MEF2C: variants seen among roughly 807,000 people sequenced by gnomAD.
The protein encoded by MEF2C is myocyte-specific enhancer factor 2C.
MEF2C carries 6 observed loss-of-function variants against 50.5 expected under a neutral mutation model. That is an observed-to-expected ratio of 0.12 (90% CI 0.07 to 0.23). The LOEUF is 0.23. MEF2C is among the 10% of genes least tolerant of loss of function. The pLI, the probability that MEF2C is intolerant of heterozygous loss-of-function variation, is 1.00. For missense variants in MEF2C, 276 were observed against 605.0 expected, an observed-to-expected ratio of 0.46 and a Z score of 5.70; for synonymous variants, 183 against 228.0, an observed-to-expected ratio of 0.80 and a Z score of 1.78.
Position 88,729,261 on chromosome 5 carries a change from T to G in MEF2C, c.921A>C (p.Gly307=), listed in dbSNP as rs752063798. The part of the protein sequence containing the change: ...SVATPTLPGQ[G]MGGYPSAIST... ...AAATGGCTGATGGATATCCTCCCAT[T>G]CCTTGTCCTGGTAAAGTAGGAGTTG... The change falls in exon 9 of 11, where the codon GGA becomes GGC. Residue 307 remains glycine, a synonymous_variant. Coordinates refer to ENST00000504921, the MANE Select transcript of MEF2C (RefSeq NM_002397.5). The G allele has an allele frequency of 6.2e-7, 1 of 1,613,336 alleles. No individual in the cohort carries two copies. Among genetic ancestry groups the G allele is most frequent in the Non-Finnish European group, 8.5e-7 (1 of 1,179,458 alleles).
chr5:88,854,446 T>C (rs1822535891), intron 1 of MEF2C, among the ~76,000 whole-genome samples: 1 of 152,176 alleles, frequency 6.6e-6, no homozygotes, highest in African/African-American at 2.4e-5. Flanking sequence ...TAGTACAATG[T>C]AGAAATTAGT....
intron 3 of MEF2C, chr5:88,785,501 C>T (rs1439728776): frequency 1.3e-5 from 2 of 152,092 alleles, no homozygotes; most frequent in Non-Finnish European, 2.9e-5. Context: ...GGGATACAGA[C>T]TGAACAAGAG....
intron 3 of MEF2C, among the ~76,000 whole-genome samples, chr5:88,787,157 T>A (rs1012355576): frequency 3.9e-5 from 6 of 152,246 alleles, no homozygotes; most frequent in African/African-American, 1.4e-4. Context: ...ATCAATTCGT[T>A]GACCTTTGTT....
intron 3 of MEF2C, among the ~76,000 whole-genome samples, chr5:88,762,248 A>G (rs1385220071): frequency 6.6e-6 from 1 of 152,214 alleles, no homozygotes; most frequent in Non-Finnish European, 1.5e-5. Context: ...ATTGTAACAG[A>G]AAAAGTATAA....
At chr5:88,757,637 C>G (rs1775966374) in intron 4 of MEF2C, among the ~76,000 whole-genome samples, 1 of 152,124 alleles carries the variant, frequency 6.6e-6, no homozygotes, top group Non-Finnish European at 1.5e-5. Flanking sequence ...ACAAAATAGC[C>G]AGGCATGGAG....
chr5:88,768,620 C>T (rs768092451), intron 3 of MEF2C: 133 of 925,208 alleles, frequency 1.4e-4, no homozygotes, highest in Non-Finnish European at 1.7e-4. Flanking sequence ...GGCAAGTGGT[C>T]GGAACTTACT....
intron 3 of MEF2C, chr5:88,781,016 C>CTT (rs1282279818): frequency 2.6e-6 from 2 of 769,188 alleles, no homozygotes; most frequent in South Asian, 6.0e-5. Flanking sequence ...CAGAGTTCCA[C>CTT]TTTTTTTTTC....
intron 3 of MEF2C, among the ~76,000 whole-genome samples, chr5:88,767,094 C>G (rs1426556620): frequency 1.3e-5 from 2 of 152,164 alleles, no homozygotes; most frequent in Non-Finnish European, 2.9e-5. Context: ...GTTTCCTGAC[C>G]CTTTAGTATC....
intron 3 of MEF2C, among the ~76,000 whole-genome samples, chr5:88,794,863 C>T (rs1406668636): frequency 6.6e-6 from 1 of 152,114 alleles, no homozygotes; most frequent in East Asian, 1.9e-4. Flanking sequence ...TTACATATGG[C>T]TAGCCAGTTT....
rs577237594 is a variant in MEF2C at position 88,790,606 on chromosome 5, C to T, written c.258+13992G>A. 5.9e-5 allele frequency among the ~76,000 whole-genome samples: 9 copies of T among 152,290 alleles called. No individual in the cohort carries two copies. The South Asian group carries it at 1.9e-3, about 32-fold the overall frequency. On this transcript the variant is annotated intron_variant, in intron 3 of 10. Transcript: ENST00000504921. ...CACAAGCAATACTTTTACTTGGTTTCCTGTGCCTTGTAATTTAATTATTTA... is the reference window on the plus strand; with the variant it reads ...CACAAGCAATACTTTTACTTGGTTTTCTGTGCCTTGTAATTTAATTATTTA...
At chr5:88,838,945 C>T (rs1816230206) in intron 1 of MEF2C, among the ~76,000 whole-genome samples, 1 of 152,084 alleles carries the variant, frequency 6.6e-6, no homozygotes, top group Admixed American at 6.6e-5. Context: ...CGGCTTTCAA[C>T]TTTATAAGAC....
chr5:88,882,247 A>T (rs1035272783), intron 1 of MEF2C, among the ~76,000 whole-genome samples: 1 of 152,248 alleles, frequency 6.6e-6, no homozygotes, highest in Non-Finnish European at 1.5e-5. Context: ...AAGGCAATTT[A>T]AGTGACTTAA....
At chr5:88,726,173 G>T (rs556085665) in intron 10 of MEF2C, among the ~76,000 whole-genome samples, 1 of 152,226 alleles carries the variant, frequency 6.6e-6, no homozygotes, top group East Asian at 1.9e-4. Flanking sequence ...TTTTGAGAAA[G>T]AATTGTGGTA....
intron 3 of MEF2C, among the ~76,000 whole-genome samples, chr5:88,768,434 C>T (rs1365014847): frequency 6.6e-6 from 1 of 152,206 alleles, no homozygotes; most frequent in Non-Finnish European, 1.5e-5. Context: ...TATTTACTAA[C>T]TGCTACTATA....
chr5:88,875,524 T>C (rs1421353582), intron 1 of MEF2C, among the ~76,000 whole-genome samples: 2 of 151,834 alleles, frequency 1.3e-5, no homozygotes, highest in Non-Finnish European at 2.9e-5. Flanking sequence ...AGATATCTGA[T>C]TGGGTCTGGG....
chr5:88,761,388 G>C, intron 3 of MEF2C, 60 bp from the exon 4 acceptor site: 1 of 1,545,980 alleles, frequency 6.5e-7, no homozygotes, highest in South Asian at 1.2e-5. Context: ...ACATTCAGGG[G>C]CATTAAAGAA....
chr5:88,768,643 C>G (rs1229453616), intron 3 of MEF2C: 1 of 974,184 alleles, frequency 1.0e-6, no homozygotes, highest in Non-Finnish European at 1.2e-6. Context: ...ATATTTGCAG[C>G]ATTCATGACA....
At position 88,734,563 on chromosome 5, in the gene MEF2C, TTG is replaced by T. The variant is rs1491362683; in HGVS notation, c.638-2664_638-2663del. ...GCTTCACGGAGGCCTTGAGAAAAGT[TTG>T]TTTTTTTTTTTTTTTTTTTTTTTTT... On this transcript the variant is annotated intron_variant, in intron 6 of 10. Coordinates refer to ENST00000504921, the MANE Select transcript of MEF2C (RefSeq NM_002397.5). 3.1e-4 allele frequency: 139 copies of T among 453,090 alleles called. 1 individual carries two copies. The highest frequency in any genetic ancestry group is 1.0e-3 in the African/African-American group (40 of 39,826). The allele number at this position is 453,090 out of a possible 1,614,324, so 28.1% of individuals were successfully genotyped here. A position where few individuals can be genotyped will look rare whatever the true frequency, so the allele number is the denominator to read the frequency against.
intron 3 of MEF2C, chr5:88,782,154 A>G (rs1175105125): frequency 1.0e-6 from 1 of 981,566 alleles, no homozygotes; most frequent in Non-Finnish European, 1.2e-6. Context: ...ATTTACTGTA[A>G]AGAAGCTTAT....
Sources: gnomAD v4.1 joint callset for allele counts (sites outside exome capture counted in the v4.1 genomes callset) on GRCh38, gnomAD v4.1.1 for gene constraint, MANE v1.5 for transcripts, NCBI Gene and HGNC (gene_info 2026-07-23, HGNC 2026-07-21) for gene names.